The following P2RY14 variants were observed in gnomAD, a reference collection of about 807,000 sequenced individuals.
P2RY14 encodes the protein purinergic receptor P2Y14.
P2RY14 carries 2 observed loss-of-function variants against 0.9 expected under a neutral mutation model. The ratio of observed to expected loss-of-function variants is 2.16; its 90% CI spans 0.88 to 6.79. The LOEUF (loss-of-function observed/expected upper bound fraction) is 6.79. Among genes scored for constraint, P2RY14 ranks in the 30% most tolerant of loss-of-function variants. The pLI is 0.05. For synonymous variants in P2RY14, 158 were observed against 147.2 expected (o/e 1.07, Z -0.53); for missense variants, 378 against 400.1 (o/e 0.94, Z 0.47).
At chr3:151,221,187 A>G (rs1049831430) in intron 1 of P2RY14, among the ~76,000 whole-genome samples, 11 of 152,170 alleles carry the variant, frequency 7.2e-5, no homozygotes, top group African/African-American at 2.7e-4. Flanking sequence ...AGCTGAAGAA[A>G]TTTCTAAGCA....
chr3:151,229,383 C>T (rs1218400456), intron 1 of P2RY14, among the ~76,000 whole-genome samples: 1 of 147,946 alleles, frequency 6.8e-6, no homozygotes, highest in Non-Finnish European at 1.5e-5. Context: ...TCTCCGCTCA[C>T]TGCAACCTCG....
intron 1 of P2RY14, among the ~76,000 whole-genome samples, chr3:151,273,402 A>AT (rs531443713): frequency 0.26 from 29,814 of 113,486 alleles, 4,103 homozygotes; most frequent in South Asian, 0.3. Context: ...TAATTTTTGT[A>AT]TTTTTTTTTT....
chr3:151,263,711 A>G (rs1739313763), intron 1 of P2RY14, among the ~76,000 whole-genome samples: 1 of 152,160 alleles, frequency 6.6e-6, no homozygotes, highest in South Asian at 2.1e-4. Context: ...TTAATGTAAT[A>G]TAGAGATTAA....
At chr3:151,277,244 C>T (rs1742031080) in intron 1 of P2RY14, among the ~76,000 whole-genome samples, 1 of 151,574 alleles carries the variant, frequency 6.6e-6, no homozygotes, top group African/African-American at 2.4e-5. Context: ...ATATAGAGTT[C>T]ATTCATATAT....
chr3:151,232,653 G>A (rs1364511907), intron 1 of P2RY14, among the ~76,000 whole-genome samples: 1 of 152,156 alleles, frequency 6.6e-6, no homozygotes. Flanking sequence ...GGATGGAGCT[G>A]GAAACCATTA....
intron 1 of P2RY14, among the ~76,000 whole-genome samples, chr3:151,228,971 C>T (rs1731075715): frequency 6.6e-6 from 1 of 152,192 alleles, no homozygotes; most frequent in African/African-American, 2.4e-5. Flanking sequence ...CTCAGATCTG[C>T]AGATCATGGG....
intron 1 of P2RY14, among the ~76,000 whole-genome samples, chr3:151,261,971 C>A (rs902079703): frequency 2.0e-5 from 3 of 152,144 alleles, no homozygotes; most frequent in African/African-American, 7.2e-5. Flanking sequence ...AAGTGATTGA[C>A]CCGCCTCGGC....
intron 1 of P2RY14, among the ~76,000 whole-genome samples, chr3:151,250,614 T>C (rs140727266): frequency 6.6e-6 from 1 of 152,332 alleles, no homozygotes; most frequent in African/African-American, 2.4e-5. Context: ...CATTTCTTTT[T>C]AAGACTGAAT....
intron 1 of P2RY14, among the ~76,000 whole-genome samples, chr3:151,260,517 T>C (rs1273237174): frequency 6.6e-6 from 1 of 152,070 alleles, no homozygotes. Flanking sequence ...GTCCAGCTAA[T>C]TTTTATATTT....
At chr3:151,248,444 TTTTC>T (rs1736186754) in intron 1 of P2RY14, among the ~76,000 whole-genome samples, 1 of 152,192 alleles carries the variant, frequency 6.6e-6, no homozygotes, top group African/African-American at 2.4e-5. Context: ...CTGGTTTTTG[TTTTC>T]TTTCTTCAGT....
intron 1 of P2RY14, among the ~76,000 whole-genome samples, chr3:151,265,988 G>A (rs1003837139): frequency 3.9e-5 from 6 of 152,174 alleles, no homozygotes; most frequent in African/African-American, 1.4e-4. Context: ...GCATTTAATT[G>A]TTGTCTGTGC....
intron 1 of P2RY14, among the ~76,000 whole-genome samples, chr3:151,240,038 C>CT (rs11366541): frequency 3.9e-4 from 57 of 146,980 alleles, no homozygotes; most frequent in Non-Finnish European, 6.6e-4. Context: ...TTTCTCCCAC[C>CT]TTTTTTTTTT....
At chr3:151,222,993 G>T (rs902144281) in intron 1 of P2RY14, among the ~76,000 whole-genome samples, 2 of 152,020 alleles carry the variant, frequency 1.3e-5, no homozygotes, top group African/African-American at 4.8e-5. Context: ...GAGAGGTGGC[G>T]ATTGTGATCA....
At chr3:151,241,657 G>A (rs1468839333) in intron 1 of P2RY14, 1 of 151,978 alleles carries the variant, frequency 6.6e-6, no homozygotes, top group East Asian at 1.9e-4. Flanking sequence ...TTTTATATAT[G>A]TATATACACA....
intron 1 of P2RY14, among the ~76,000 whole-genome samples, chr3:151,265,449 T>C (rs564957759): frequency 1.3e-5 from 2 of 152,336 alleles, no homozygotes; most frequent in South Asian, 4.1e-4. Flanking sequence ...TTTACTCTTA[T>C]ATTTGTGTCT....
intron 1 of P2RY14, among the ~76,000 whole-genome samples, chr3:151,249,334 A>C (rs1003077208): frequency 4.6e-5 from 7 of 152,170 alleles, no homozygotes; most frequent in African/African-American, 1.7e-4. Context: ...TTTAAGTTGT[A>C]ATTCACATGG....
At chr3:151,222,363 G>A (rs180769797) in intron 1 of P2RY14, among the ~76,000 whole-genome samples, 9 of 152,078 alleles carry the variant, frequency 5.9e-5, no homozygotes, top group African/African-American at 1.2e-4. Context: ...ATTTGGGAGC[G>A]GTCAGAGGTG....
chr3:151,236,622 C>G (rs772667366), intron 1 of P2RY14, among the ~76,000 whole-genome samples: 1 of 152,164 alleles, frequency 6.6e-6, no homozygotes, highest in Non-Finnish European at 1.5e-5. Flanking sequence ...GTTCTTCAAT[C>G]TTTCACTTTT....
chr3:151,258,655 G>C (rs1738274465), intron 1 of P2RY14, among the ~76,000 whole-genome samples: 1 of 151,922 alleles, frequency 6.6e-6, no homozygotes, highest in African/African-American at 2.4e-5. Context: ...TAAGAGTCCA[G>C]CCTGATCAAC....
Sources: allele counts gnomAD v4.1 joint callset (sites outside exome capture counted in the v4.1 genomes callset), GRCh38; gene constraint gnomAD v4.1.1; transcripts MANE v1.5; gene names NCBI Gene and HGNC (gene_info 2026-07-23, HGNC 2026-07-21).